The following RSF1 variants were observed in gnomAD, a reference collection of about 807,000 sequenced individuals.
The protein encoded by RSF1 is HBV pX-associated protein 8.
In RSF1, 13 loss-of-function variants were observed where a neutral mutation model predicts 145.2. That is an observed-to-expected ratio of 0.09 (90% CI 0.06 to 0.14). The LOEUF (loss-of-function observed/expected upper bound fraction) is 0.14. Among genes scored for constraint, RSF1 ranks in the 10% least tolerant of loss-of-function variants. RSF1 has a pLI of 1.00. For synonymous variants in RSF1, 577 were observed against 592.6 expected, an observed-to-expected ratio of 0.97 and a Z score of 0.38; for missense variants, 1,517 against 1,718.2, an observed-to-expected ratio of 0.88 and a Z score of 2.07.
At chr11:77,831,311 T>TA in the RSF1 span, among the ~76,000 whole-genome samples, 1 of 149,046 alleles carries the variant, frequency 6.7e-6, no homozygotes. Context: ...ATGATAAACA[T>TA]AAAGTTACTT....
intron 15 of RSF1, among the ~76,000 whole-genome samples, chr11:77,669,340 T>A (rs897849220): frequency 1.6e-4 from 24 of 152,162 alleles, no homozygotes; most frequent in Non-Finnish European, 2.9e-5. Context: ...CCACAGCAAA[T>A]TAAAATCTAA....
At chr11:77,675,761 G>T (rs1454098427) in intron 13 of RSF1, among the ~76,000 whole-genome samples, 3 of 152,104 alleles carry the variant, frequency 2.0e-5, no homozygotes, top group African/African-American at 7.2e-5. Context: ...AACTACAAAA[G>T]CAACTCCACA....
At chr11:77,684,473 T>C (rs1015059622) in intron 10 of RSF1, among the ~76,000 whole-genome samples, 2 of 152,208 alleles carry the variant, frequency 1.3e-5, no homozygotes, top group Non-Finnish European at 2.9e-5. Flanking sequence ...AACTCTTCTT[T>C]AGTCATTTTA....
intron 4 of RSF1, among the ~76,000 whole-genome samples, chr11:77,737,839 C>T (rs539944971): frequency 5.4e-4 from 82 of 151,938 alleles, no homozygotes; most frequent in African/African-American, 1.9e-3. Flanking sequence ...GTAAGAAAAG[C>T]GAATAGCTGG....
At chr11:77,770,653 A>C (rs567042305) in intron 1 of RSF1, among the ~76,000 whole-genome samples, 1 of 152,180 alleles carries the variant, frequency 6.6e-6, no homozygotes, top group Non-Finnish European at 1.5e-5. Context: ...TACATAAAGA[A>C]ACACACCAAA....
chr11:77,863,643 C>T, the RSF1 span, among the ~76,000 whole-genome samples: 1 of 152,140 alleles, frequency 6.6e-6, no homozygotes, highest in Non-Finnish European at 1.5e-5. Flanking sequence ...CCCACCTTGG[C>T]CTCCCAATGT....
intron 4 of RSF1, among the ~76,000 whole-genome samples, chr11:77,730,204 A>G (rs1021302693): frequency 6.6e-5 from 10 of 152,252 alleles, no homozygotes; most frequent in African/African-American, 2.4e-4. Flanking sequence ...TTGAAGTCTG[A>G]CTTTAGAGCC....
chr11:77,718,582 G>A (rs1160457832), intron 5 of RSF1, among the ~76,000 whole-genome samples: 2 of 152,152 alleles, frequency 1.3e-5, no homozygotes, highest in African/African-American at 4.8e-5. Context: ...AGAGCCTTTG[G>A]TGAGGTAATT....
chr11:77,737,621 G>GGGTGTGTGTGTGTGTGT (rs1491534916), intron 4 of RSF1, among the ~76,000 whole-genome samples: 56 of 93,536 alleles, frequency 6.0e-4, no homozygotes, highest in Admixed American at 4.5e-3. Flanking sequence ...TGTTTTGGGG[G>GGGTGTGTGTGTGTGTGT]GTGTGTGTGT....
chr11:77,691,948 T>C (rs910055443), intron 8 of RSF1, among the ~76,000 whole-genome samples: 2 of 152,206 alleles, frequency 1.3e-5, no homozygotes, highest in Non-Finnish European at 2.9e-5. Flanking sequence ...TGGCGTGCAG[T>C]GGCACAATCT....
chr11:77,820,708 T>C lies in RSF1; in HGVS notation c.7A>G (p.Thr3Ala), dbSNP rs777101364. The change falls in exon 1 of 16, where the codon ACG (threonine) becomes GCG (alanine). Residue 3 changes from threonine to alanine, a missense_variant. By Grantham distance (58) the Thr-to-Ala change is moderately conservative. Transcript: ENST00000308488. ...ATCACCGCCGCCGCTGCCGCCGCCGTCGCCATTTTGAACTGGAGGATGGAG... is the reference window on the plus strand; with the variant it reads ...ATCACCGCCGCCGCTGCCGCCGCCGCCGCCATTTTGAACTGGAGGATGGAG... MA[T>A]AAAAAAVMAP... is the part of the protein sequence containing the mutation. The C allele has an allele frequency of 1.9e-6, 3 of 1,548,768 alleles. No individual in the cohort carries two copies. The highest frequency in any genetic ancestry group is 2.0e-5 in the Admixed American group (1 of 50,652).
the RSF1 span, among the ~76,000 whole-genome samples, chr11:77,865,568 AAC>A: frequency 2.6e-5 from 4 of 152,250 alleles, no homozygotes; most frequent in Non-Finnish European, 5.9e-5. Flanking sequence ...GACCACATTT[AAC>A]TGCAAGAAGT....
chr11:77,736,726 T>A (rs1016966187), intron 4 of RSF1, among the ~76,000 whole-genome samples: 9 of 152,154 alleles, frequency 5.9e-5, no homozygotes, highest in African/African-American at 1.9e-4. Flanking sequence ...AAATTTGACA[T>A]AAATTACCAT....
chr11:77,795,174 A>T (rs1217230876), intron 1 of RSF1, among the ~76,000 whole-genome samples: 3 of 152,248 alleles, frequency 2.0e-5, no homozygotes, highest in African/African-American at 4.8e-5. Context: ...AAACTATAAA[A>T]CACTGACTGA....
intron 2 of RSF1, among the ~76,000 whole-genome samples, chr11:77,753,920 T>C (rs1273939779): frequency 6.6e-6 from 1 of 152,138 alleles, no homozygotes; most frequent in Non-Finnish European, 1.5e-5. Context: ...ACCATTTCTC[T>C]TGCACCCCCA....
chr11:77,841,945 G>A, the RSF1 span, among the ~76,000 whole-genome samples: 1 of 152,168 alleles, frequency 6.6e-6, no homozygotes, highest in Non-Finnish European at 1.5e-5. Context: ...TCATTTTCAT[G>A]TTCTGCCCCA....
At chr11:77,689,466 TTGTC>T (rs996122518) in intron 9 of RSF1, among the ~76,000 whole-genome samples, 1 of 152,232 alleles carries the variant, frequency 6.6e-6, no homozygotes, top group African/African-American at 2.4e-5. Context: ...TTTGTGCTCT[TTGTC>T]TGAAATATGT....
Position 77,725,583 on chromosome 11 carries a change from T to G in RSF1, c.695A>C (p.Asp232Ala). 6.2e-7 allele frequency: 1 copy of G among 1,603,212 alleles called. No individual in the cohort carries two copies. The highest frequency in any genetic ancestry group is 1.7e-5 in the Admixed American group (1 of 58,660). The change falls in exon 5 of 16, where the codon GAT (aspartate) becomes GCT (alanine). Residue 232 changes from aspartate (D) to alanine (A), a missense_variant. Around this residue, in one of 12 missense-constraint regions of RSF1, gnomAD observed 207 missense variants for 191.4 expected, o/e 1.08. Coordinates refer to ENST00000308488, the MANE Select transcript of RSF1 (RefSeq NM_016578.4). ...NSSRESPSLEDEETKKEEETP... is the reference protein window; with the variant it reads ...NSSRESPSLEAEETKKEEETP... ...TTCTTCCTCTTTTTTAGTCTCCTCA[T>G]CCTCTAAGCTGGGACTTTCCCGAGA...
chr11:77,783,327 A>T (rs750426998), intron 1 of RSF1, among the ~76,000 whole-genome samples: 2 of 152,214 alleles, frequency 1.3e-5, no homozygotes, highest in Non-Finnish European at 2.9e-5. Context: ...AAATTGGGAA[A>T]AATTTAATTT....
Sources: allele counts gnomAD v4.1 joint callset (sites outside exome capture counted in the v4.1 genomes callset), GRCh38; gene constraint gnomAD v4.1.1; regional missense constraint gnomAD v4.1.1; transcripts MANE v1.5; gene names NCBI Gene and HGNC (gene_info 2026-07-23, HGNC 2026-07-21).